Variants in DOK5 observed in about 807,000 individuals in gnomAD.
DOK5 encodes downstream of tyrosine kinase 5.
In DOK5, 27 loss-of-function variants were observed where a neutral mutation model predicts 43.3. The ratio of observed to expected loss-of-function variants is 0.62; its 90% CI spans 0.46 to 0.86. The LOEUF is 0.86. Ranked by LOEUF, DOK5 falls within the 40% of genes least tolerant of loss-of-function variation. The pLI is 0.00. For missense variants in DOK5, 373 were observed against 392.9 expected (o/e 0.95, Z 0.43); for synonymous variants, 146 against 140.1 (o/e 1.04, Z -0.30).
At chr20:54,570,123 A>G (rs1343733199) in intron 2 of DOK5, among the ~76,000 whole-genome samples, 1 of 152,230 alleles carries the variant, frequency 6.6e-6, no homozygotes, top group Non-Finnish European at 1.5e-5. Flanking sequence ...AAAAGATAAT[A>G]TGAAAAGGTT....
chr20:54,617,189 C>T (rs1416744027), intron 6 of DOK5, among the ~76,000 whole-genome samples: 2 of 152,140 alleles, frequency 1.3e-5, no homozygotes, highest in African/African-American at 4.8e-5. Context: ...TGGACAGAGG[C>T]CACTCTCAGC....
chr20:54,601,108 G>C (rs1986285902), intron 5 of DOK5, among the ~76,000 whole-genome samples: 1 of 152,216 alleles, frequency 6.6e-6, no homozygotes, highest in Non-Finnish European at 1.5e-5. Flanking sequence ...AAAGGGAAGT[G>C]TTAGGGACCC....
intron 6 of DOK5, 127 bp from the exon 7 acceptor site, chr20:54,643,331 C>G: frequency 7.7e-7 from 1 of 1,293,166 alleles, no homozygotes; most frequent in Non-Finnish European, 1.1e-6. Context: ...CACCTTCAAT[C>G]GATGTTCATT....
At position 54,537,285 on chromosome 20, in the gene DOK5, C is replaced by T. The variant is rs1012085331; in HGVS notation, c.67-17648C>T. ...CTGTTGAAAGAGATTTATTTAAGAT[C>T]TAGAACCTCATAACATAATGTGCTA... On this transcript the variant is annotated intron_variant, in intron 1 of 7. Coordinates refer to ENST00000262593, the MANE Select transcript of DOK5 (RefSeq NM_018431.5). Among the ~76,000 whole-genome samples, 118 of 152,226 alleles carry T rather than the reference C, an allele frequency of 7.8e-4. 1 individual carries two copies. The highest frequency in any genetic ancestry group is 2.2e-4 in the Non-Finnish European group (15 of 68,046).
At chr20:54,567,371 G>A (rs1985132394) in intron 2 of DOK5, among the ~76,000 whole-genome samples, 1 of 152,050 alleles carries the variant, frequency 6.6e-6, no homozygotes. Flanking sequence ...GGAGTGAAAT[G>A]TGGATTGAAT....
At chr20:54,508,676 G>T (rs901444989) in intron 1 of DOK5, among the ~76,000 whole-genome samples, 3 of 152,146 alleles carry the variant, frequency 2.0e-5, no homozygotes, top group Non-Finnish European at 2.9e-5. Context: ...TGCCTACTGG[G>T]TTCAAGTGAT....
chr20:54,527,794 A>G (rs1043379414), intron 1 of DOK5, among the ~76,000 whole-genome samples: 4 of 152,218 alleles, frequency 2.6e-5, no homozygotes, highest in African/African-American at 9.6e-5. Context: ...TTAGAAAAAA[A>G]TAGTTAGGGC....
intron 1 of DOK5, among the ~76,000 whole-genome samples, chr20:54,513,214 T>A (rs192340869): frequency 7.2e-5 from 11 of 152,212 alleles, no homozygotes; most frequent in African/African-American, 2.6e-4. Context: ...TATGGGCTAA[T>A]AAGACATAGT....
chr20:54,617,989 T>C (rs1986866340), intron 6 of DOK5, among the ~76,000 whole-genome samples: 1 of 152,214 alleles, frequency 6.6e-6, no homozygotes, highest in African/African-American at 2.4e-5. Context: ...TCTCATTCAT[T>C]TGACCATTTA....
At chr20:54,553,895 T>A (rs1246469257) in intron 1 of DOK5, among the ~76,000 whole-genome samples, 21 of 81,986 alleles carry the variant, frequency 2.6e-4, no homozygotes, top group African/African-American at 1.5e-3. Context: ...AGACTCTGTC[T>A]CAAAAAAAAA....
chr20:54,541,234 C>T (rs1020916543), intron 1 of DOK5, among the ~76,000 whole-genome samples: 24 of 152,130 alleles, frequency 1.6e-4, no homozygotes, highest in African/African-American at 5.8e-4. Flanking sequence ...GCACTTTCCA[C>T]TTCTCCTCCA....
intron 6 of DOK5, among the ~76,000 whole-genome samples, chr20:54,638,088 T>G (rs113344256): frequency 2.8e-5 from 4 of 144,424 alleles, no homozygotes; most frequent in Non-Finnish European, 1.5e-5. Flanking sequence ...TGTCACTGCA[T>G]TCCAGCCTGG....
chr20:54,529,539 C>G (rs1983692108), intron 1 of DOK5, among the ~76,000 whole-genome samples: 1 of 136,976 alleles, frequency 7.3e-6, no homozygotes, highest in East Asian at 2.0e-4. Flanking sequence ...ATAAGGGTGA[C>G]TTTAAAAAAA....
At chr20:54,595,394 G>A (rs926572811) in intron 5 of DOK5, among the ~76,000 whole-genome samples, 1 of 152,192 alleles carries the variant, frequency 6.6e-6, no homozygotes, top group African/African-American at 2.4e-5. Context: ...GTAGGATAGA[G>A]GAGATAGGTA....
chr20:54,522,790 C>T (rs1983456376), intron 1 of DOK5, among the ~76,000 whole-genome samples: 1 of 152,110 alleles, frequency 6.6e-6, no homozygotes, highest in Admixed American at 6.5e-5. Context: ...GCTGGGATTA[C>T]AGGTGTGAGC....
intron 1 of DOK5, among the ~76,000 whole-genome samples, chr20:54,548,971 C>T (rs1339528753): frequency 6.6e-6 from 1 of 152,116 alleles, no homozygotes; most frequent in East Asian, 1.9e-4. Flanking sequence ...TACATTTCTC[C>T]TTCACTTTCT....
At chr20:54,560,594 T>G (rs1424344296) in intron 2 of DOK5, among the ~76,000 whole-genome samples, 3 of 152,194 alleles carry the variant, frequency 2.0e-5, no homozygotes, top group African/African-American at 7.2e-5. Context: ...CAAAACTGAC[T>G]GAACTCTTTC....
chr20:54,555,213 T>C (rs929257418), intron 2 of DOK5, 173 bp downstream of exon 2: 8 of 578,462 alleles, frequency 1.4e-5, no homozygotes, highest in South Asian at 1.0e-4. Context: ...AATTGACTAA[T>C]GTAAAGTCAC....
intron 6 of DOK5, among the ~76,000 whole-genome samples, chr20:54,628,736 C>G (rs1257159958): frequency 1.3e-5 from 2 of 152,240 alleles, no homozygotes; most frequent in East Asian, 3.9e-4. Context: ...CCCCAAAATG[C>G]AGCTAATGTG....
Sources: gnomAD v4.1 joint callset for allele counts (sites outside exome capture counted in the v4.1 genomes callset) on GRCh38, gnomAD v4.1.1 for gene constraint, MANE v1.5 for transcripts, NCBI Gene and HGNC (gene_info 2026-07-23, HGNC 2026-07-21) for gene names.